LRRC37A2: variants seen among roughly 807,000 people sequenced by gnomAD.
The protein encoded by LRRC37A2 is leucine-rich repeat-containing protein 37A2.
A neutral mutation model predicts 68.8 loss-of-function variants in LRRC37A2; 9 were observed. The ratio of observed to expected loss-of-function variants is 0.13; its 90% CI spans 0.08 to 0.23. The LOEUF is 0.23. Among genes scored for constraint, LRRC37A2 ranks in the 10% least tolerant of loss-of-function variants. The pLI is 1.00. For missense variants in LRRC37A2, 168 were observed against 950.4 expected, an observed-to-expected ratio of 0.18 and a Z score of 10.82; for synonymous variants, 63 against 367.6, an observed-to-expected ratio of 0.17 and a Z score of 9.48.
the LRRC37A2 span, among the ~76,000 whole-genome samples, chr17:46,899,661 G>A: frequency 7.2e-5 from 11 of 152,188 alleles, no homozygotes; most frequent in Admixed American, 1.3e-4. Flanking sequence ...TTTGGGAGGA[G>A]GTAATGAAAA....
chr17:46,595,751 A>G, the LRRC37A2 span, among the ~76,000 whole-genome samples: 1 of 123,898 alleles, frequency 8.1e-6, no homozygotes, highest in Non-Finnish European at 1.5e-5. Flanking sequence ...TGGCCTCCCA[A>G]AGTGCTGAGA....
At chr17:46,864,244 G>T in the LRRC37A2 span, among the ~76,000 whole-genome samples, 1 of 152,190 alleles carries the variant, frequency 6.6e-6, no homozygotes, top group Non-Finnish European at 1.5e-5. Context: ...CCAGTACCCT[G>T]GTTGGGTAGG....
At chr17:46,901,468 T>C in the LRRC37A2 span, among the ~76,000 whole-genome samples, 8 of 152,182 alleles carry the variant, frequency 5.3e-5, no homozygotes, top group African/African-American at 1.9e-4. Flanking sequence ...GCCCAGCACG[T>C]TTAAAGAACA....
the LRRC37A2 span, chr17:47,024,626 A>T: frequency 1.2e-5 from 13 of 1,057,146 alleles, no homozygotes; most frequent in African/African-American, 2.0e-4. Flanking sequence ...AGTCCTGTGT[A>T]GCAAATAGTT....
At chr17:47,005,572 A>T in the LRRC37A2 span, 1 of 152,120 alleles carries the variant, frequency 6.6e-6, no homozygotes, top group Non-Finnish European at 1.5e-5. Context: ...CACATTTACA[A>T]TGCCCACCTA....
the LRRC37A2 span, among the ~76,000 whole-genome samples, chr17:46,856,654 T>C: frequency 2.0e-5 from 3 of 152,042 alleles, no homozygotes; most frequent in Non-Finnish European, 4.4e-5. Context: ...CAGCTAATTT[T>C]TGTATTTTTA....
the LRRC37A2 span, among the ~76,000 whole-genome samples, chr17:46,811,218 C>T: frequency 8.6e-5 from 10 of 116,232 alleles, no homozygotes; most frequent in South Asian, 2.3e-4. Context: ...TTGGGATTCA[C>T]GGCTGCGATG....
At chr17:46,820,841 A>G in the LRRC37A2 span, among the ~76,000 whole-genome samples, 1 of 152,092 alleles carries the variant, frequency 6.6e-6, no homozygotes, top group Non-Finnish European at 1.5e-5. Flanking sequence ...CCAGAGCCCC[A>G]TGACAGTGGT....
At chr17:46,830,580 A>T in the LRRC37A2 span, 1 of 398,352 alleles carries the variant, frequency 2.5e-6, no homozygotes, top group African/African-American at 2.1e-5. Flanking sequence ...ATCAGAGTAC[A>T]TGGCATAACC....
At chr17:46,937,525 C>T in the LRRC37A2 span, 1 of 152,170 alleles carries the variant, frequency 6.6e-6, no homozygotes. Flanking sequence ...GCCTTTGTAA[C>T]TCACACTCCC....
At chr17:46,807,519 G>A in the LRRC37A2 span, among the ~76,000 whole-genome samples, 8 of 152,062 alleles carry the variant, frequency 5.3e-5, no homozygotes, top group Non-Finnish European at 1.2e-4. Flanking sequence ...AGAAACAGAA[G>A]CAGACTGGAA....
chr17:46,796,741 C>T, the LRRC37A2 span, among the ~76,000 whole-genome samples: 1 of 152,222 alleles, frequency 6.6e-6, no homozygotes, highest in South Asian at 2.1e-4. Context: ...CCTGATCAGT[C>T]CCTGGTTCCT....
chr17:46,409,012 T>C, the LRRC37A2 span: 1 of 407,332 alleles, frequency 2.5e-6, no homozygotes, highest in Non-Finnish European at 4.2e-6. Flanking sequence ...TGTGGAGTAC[T>C]AACTGTGTTT....
At chr17:46,925,659 C>T in the LRRC37A2 span, among the ~76,000 whole-genome samples, 11 of 152,192 alleles carry the variant, frequency 7.2e-5, no homozygotes, top group Non-Finnish European at 1.0e-4. Flanking sequence ...AATGAACTTT[C>T]GCAACTGCAG....
chr17:46,800,299 C>T, the LRRC37A2 span, among the ~76,000 whole-genome samples: 1 of 152,066 alleles, frequency 6.6e-6, no homozygotes, highest in Admixed American at 6.6e-5. Context: ...TTAGTAGAGA[C>T]GGGGTTTCAC....
At chr17:47,001,968 G>A in the LRRC37A2 span, among the ~76,000 whole-genome samples, 14,125 of 151,694 alleles carry the variant, frequency 0.093, 1,374 homozygotes, top group East Asian at 0.54. Context: ...TGAACTCCTC[G>A]CCTCAAGTGA....
At chr17:46,931,721 C>T in the LRRC37A2 span, 1 of 364,816 alleles carries the variant, frequency 2.7e-6, no homozygotes, top group Non-Finnish European at 5.0e-6. Context: ...CTCAAAGATG[C>T]CCTTGGGCTT....
At chr17:46,813,298 G>C in the LRRC37A2 span, among the ~76,000 whole-genome samples, 3 of 151,746 alleles carry the variant, frequency 2.0e-5, no homozygotes, top group Non-Finnish European at 4.4e-5. Context: ...AGGAGGCAGG[G>C]ACTTGAATGA....
chr17:46,899,196 C>T, the LRRC37A2 span, among the ~76,000 whole-genome samples: 2 of 152,042 alleles, frequency 1.3e-5, no homozygotes, highest in South Asian at 2.1e-4. Context: ...TGGAGACCAG[C>T]CTGGCCAGTG....
Sources: gnomAD v4.1 joint callset for allele counts (sites outside exome capture counted in the v4.1 genomes callset) on GRCh38, gnomAD v4.1.1 for gene constraint, MANE v1.5 for transcripts, NCBI Gene and HGNC (gene_info 2026-07-23, HGNC 2026-07-21) for gene names.